The following C5orf15 variants were observed in gnomAD, a reference collection of about 807,000 sequenced individuals.
The protein encoded by C5orf15 is chromosome 5 open reading frame 15.
A neutral mutation model predicts 17.8 loss-of-function variants in C5orf15; 10 were observed. The ratio of observed to expected loss-of-function variants is 0.56; its 90% CI spans 0.35 to 0.95. The LOEUF (loss-of-function observed/expected upper bound fraction) is 0.95, where lower values mean the gene tolerates loss of function less well. Among genes scored for constraint, C5orf15 ranks in the 40% least tolerant of loss-of-function variants. The probability of loss-of-function intolerance (pLI) is 0.02; values close to 1 mark genes in which losing one functional copy is unlikely to be tolerated. For synonymous variants in C5orf15, 124 were observed against 131.0 expected, an observed-to-expected ratio of 0.95 and a Z score of 0.36; for missense variants, 319 against 331.7, an observed-to-expected ratio of 0.96 and a Z score of 0.30.
Position 133,959,777 on chromosome 5 carries a change from T to A in C5orf15, c.383A>T (p.Asp128Val). The A allele has an allele frequency of 6.2e-7, 1 of 1,614,092 alleles. No individual in the cohort carries two copies. The change falls in exon 2 of 3, where the codon GAT becomes GTT. Residue 128 changes from aspartate (D) to valine (V), a missense_variant. This residue lies in a region of C5orf15 where 175 missense variants were observed against 192.4 expected (regional missense o/e 0.91). Transcript: ENST00000231512. The part of the protein sequence containing the change: ...NNEDPSIEEE[D>V]LLMLNSSPST... ...TGGAGAACTGTTCAGCATGAGAAGA[T>A]CCTCCTCCTCTATACTAGGATCTTC...
At chr5:133,961,663 G>A (rs994204544) in intron 1 of C5orf15, among the ~76,000 whole-genome samples, 3 of 147,020 alleles carry the variant, frequency 2.0e-5, no homozygotes, top group African/African-American at 7.6e-5. Context: ...ATAGCTCACT[G>A]TAGCCTCGAC....
intron 1 of C5orf15, among the ~76,000 whole-genome samples, chr5:133,963,524 A>T (rs893360329): frequency 2.0e-5 from 3 of 152,240 alleles, no homozygotes; most frequent in African/African-American, 7.2e-5. Flanking sequence ...AGGTGGAAAG[A>T]ACTGGGTAGA....
At chr5:133,960,792 A>G (rs182300145) in intron 1 of C5orf15, among the ~76,000 whole-genome samples, 19 of 152,298 alleles carry the variant, frequency 1.2e-4, no homozygotes, top group Admixed American at 1.0e-3. Flanking sequence ...AATTCTTTAC[A>G]TAAGAATTCT....
chr5:133,959,163 C>A (rs1752081846), intron 2 of C5orf15, among the ~76,000 whole-genome samples: 1 of 151,964 alleles, frequency 6.6e-6, no homozygotes, highest in Admixed American at 6.6e-5. Flanking sequence ...CCTGGGAGTT[C>A]AAGAACAGCC....
At chr5:133,959,108 G>A (rs1248049914) in intron 2 of C5orf15, among the ~76,000 whole-genome samples, 3 of 152,178 alleles carry the variant, frequency 2.0e-5, no homozygotes, top group East Asian at 1.9e-4. Context: ...GCTCATGTCT[G>A]TAATCCCAAC....
chr5:133,966,664 G>A (rs1210035048), intron 1 of C5orf15, among the ~76,000 whole-genome samples: 3 of 152,088 alleles, frequency 2.0e-5, no homozygotes, highest in African/African-American at 7.2e-5. Context: ...TTGAAATTTG[G>A]AACTCAACAC....
At chr5:133,958,916 T>C (rs987327197) in intron 2 of C5orf15, among the ~76,000 whole-genome samples, 1 of 152,126 alleles carries the variant, frequency 6.6e-6, no homozygotes, top group Non-Finnish European at 1.5e-5. Context: ...AAAAAATCAC[T>C]GGGCTTTGGT....
At chr5:133,960,045 CTG>C (rs1246366292) in intron 1 of C5orf15, 25 bp from the exon 2 acceptor site, 1 of 1,553,208 alleles carries the variant, frequency 6.4e-7, no homozygotes, top group East Asian at 2.3e-5. Context: ...GAATATCAAA[CTG>C]AAATCTCCAA....
At chr5:133,960,891 G>A (rs186627309) in intron 1 of C5orf15, among the ~76,000 whole-genome samples, 1 of 151,636 alleles carries the variant, frequency 6.6e-6, no homozygotes, top group Admixed American at 6.6e-5. Flanking sequence ...ATAATCTAAT[G>A]TAGTATCTGT....
At position 133,959,717 on chromosome 5, in the gene C5orf15, T is replaced by A. The variant is rs754580239; in HGVS notation, c.443A>T (p.Tyr148Phe). The A allele has an allele frequency of 6.2e-7, 1 of 1,613,886 alleles. No homozygotes were observed. Among genetic ancestry groups the A allele is most frequent in the Non-Finnish European group, 8.5e-7 (1 of 1,179,930 alleles). ...TAKDTLDNGD[Y>F]GEPDYDWTTG... ...GGTCCAGTCATAGTCTGGTTCTCCA[T>A]AATCGCCATTGTCTAGAGTGTCTTT... The change falls in exon 2 of 3, where the codon TAT (tyrosine) becomes TTT (phenylalanine). Residue 148 changes from tyrosine to phenylalanine, a missense_variant. Coordinates refer to ENST00000231512, the MANE Select transcript of C5orf15 (RefSeq NM_020199.3).
chr5:133,968,510 G>A lies in C5orf15; in HGVS notation c.75C>T (p.Ala25=), dbSNP rs749143567. The A allele has an allele frequency of 8.1e-6, 13 of 1,607,334 alleles. No homozygotes were observed. The highest frequency in any genetic ancestry group is 4.0e-5 in the African/African-American group (3 of 74,848). The change falls in exon 1 of 3, where the codon GCC becomes GCT. Residue 25 remains alanine, a synonymous_variant. Transcript: ENST00000231512. ...AKLLPGSAIQ[A]LVGLARPLVL... ...CCAGCGGCCGCGCCAACCCCACAAG[G>A]GCTTGGATGGCCGACCCGGGCAGCA...
intron 2 of C5orf15, 111 bp downstream of exon 2, chr5:133,959,383 A>C: frequency 4.1e-6 from 3 of 723,964 alleles, no homozygotes; most frequent in Non-Finnish European, 6.1e-6. Flanking sequence ...GACAGAGTGA[A>C]ACCCACTACA....
intron 1 of C5orf15, among the ~76,000 whole-genome samples, chr5:133,960,730 C>T (rs1020871155): frequency 5.9e-5 from 9 of 152,152 alleles, no homozygotes; most frequent in African/African-American, 2.2e-4. Flanking sequence ...AATACACACA[C>T]ATTCTTATTT....
At chr5:133,958,604 A>AAAAAAAAAT (rs1752072240) in intron 2 of C5orf15, among the ~76,000 whole-genome samples, 6 of 149,274 alleles carry the variant, frequency 4.0e-5, no homozygotes, top group African/African-American at 1.5e-4. Context: ...AAAAAAAAAA[A>AAAAAAAAAT]CTCTGTGAGA....
In C5orf15 at chr5:133,956,959, C is replaced by T. The variant is rs762294013; in HGVS notation, c.698G>A (p.Arg233His). 1.3e-5 allele frequency: 21 copies of T among 1,610,412 alleles called. No individual in the cohort carries two copies. Among genetic ancestry groups the T allele is most frequent in the Non-Finnish European group, 1.7e-5 (20 of 1,179,048 alleles). Residue 233 changes from arginine to histidine, a missense_variant, in exon 3 of 3, where the codon CGT becomes CAT. Coordinates refer to ENST00000231512, the MANE Select transcript of C5orf15 (RefSeq NM_020199.3). The part of the protein sequence containing the change: ...IFLLVQSRKW[R>H]DGLCSKTVEY... Reference sequence around the variant, plus strand: ...CACTGTTTTGGAACAAAGGCCATCACGCCATTTCCTGCTTTGAACCAGAAG... The same window carrying T: ...CACTGTTTTGGAACAAAGGCCATCATGCCATTTCCTGCTTTGAACCAGAAG...
At position 133,960,080 on chromosome 5, in the gene C5orf15, G is replaced by A; in HGVS notation, c.140-60C>T. 4 of 1,477,512 alleles carry A rather than the reference G, an allele frequency of 2.7e-6. No homozygotes were observed. In the South Asian group the frequency reaches 4.1e-5, roughly 15 times the overall value. 91.5% of individuals were successfully genotyped at this position (1,477,512 alleles called of 1,614,324 possible). A position where few individuals can be genotyped will look rare whatever the true frequency, so the allele number is the denominator to read the frequency against. ...CAACTTTATCTCCACCAAGCTAAAA[G>A]CATATTTACCCAAATTTTACACTAA... On this transcript the variant is annotated intron_variant, in intron 1 of 2. Coordinates refer to ENST00000231512, the MANE Select transcript of C5orf15 (RefSeq NM_020199.3).
chr5:133,958,156 G>T (rs534448051), intron 2 of C5orf15, among the ~76,000 whole-genome samples: 1 of 152,076 alleles, frequency 6.6e-6, no homozygotes, highest in South Asian at 2.1e-4. Context: ...GGCTGAAGTG[G>T]GAGGATTACT....
chr5:133,957,272 A>G (rs1333224586), intron 2 of C5orf15, among the ~76,000 whole-genome samples: 2 of 151,532 alleles, frequency 1.3e-5, no homozygotes. Flanking sequence ...GCTAAGGTGG[A>G]GGATCACTCG....
chr5:133,959,753 G>A lies in C5orf15; in HGVS notation c.407C>T (p.Pro136Leu), dbSNP rs1320921382. Residue 136 changes from proline (P) to leucine (L), a missense_variant, in exon 2 of 3, where the codon CCA (proline) becomes CTA (leucine). Pro to Leu is a moderately conservative substitution (Grantham distance 98). Transcript: ENST00000231512. Reference protein sequence around the residue: ...EEDLLMLNSSPSTAKDTLDNG... With the variant: ...EEDLLMLNSSLSTAKDTLDNG... ...GTCTAGAGTGTCTTTGGCTGTGGAT[G>A]GAGAACTGTTCAGCATGAGAAGATC... 2 of 1,614,092 alleles carry A rather than the reference G, an allele frequency of 1.2e-6. No individual in the cohort carries two copies. Among genetic ancestry groups the A allele is most frequent in the South Asian group, 2.2e-5 (2 of 91,072 alleles).
Sources: allele counts gnomAD v4.1 joint callset (sites outside exome capture counted in the v4.1 genomes callset), GRCh38; gene constraint gnomAD v4.1.1; regional missense constraint gnomAD v4.1.1; transcripts MANE v1.5; gene names NCBI Gene and HGNC (gene_info 2026-07-23, HGNC 2026-07-21).